The following CCDC175 variants were observed in gnomAD, a reference collection of about 807,000 sequenced individuals.
CCDC175 encodes the protein coiled-coil domain-containing protein 175.
A neutral mutation model predicts 114.6 loss-of-function variants in CCDC175; 100 were observed. The observed-to-expected ratio is 0.87, with a 90% CI of 0.74 to 1.03. The LOEUF is 1.03. Ranked by LOEUF, CCDC175 falls within the 50% of genes least tolerant of loss-of-function variation. The probability of loss-of-function intolerance (pLI) is 0.00; values close to 1 mark genes in which losing one functional copy is unlikely to be tolerated. For synonymous variants in CCDC175, 306 were observed against 308.7 expected (o/e 0.99, Z 0.09); for missense variants, 880 against 917.8 (o/e 0.96, Z 0.53).
rs5809037 is a variant in CCDC175 at position 59,531,353 on chromosome 14, G to GA, written c.1762+418dup. Among the ~76,000 whole-genome samples, 1,444 of 149,894 alleles carry GA rather than the reference G, an allele frequency of 9.6e-3. 27 individuals carry two copies. Among genetic ancestry groups the GA allele is most frequent in the Non-Finnish European group, 0.01 (683 of 67,328 alleles). On this transcript the variant is annotated intron_variant, in intron 14 of 19. Transcript: ENST00000537690. ...ATCTGTGCCTCAGGAGGAAGTTAGTGAAAAAAAAAATCTGAGGAGTGCTTA... is the reference window on the plus strand; with the variant it reads ...ATCTGTGCCTCAGGAGGAAGTTAGTGAAAAAAAAAAATCTGAGGAGTGCTTA...
In CCDC175 at chr14:59,563,838, G is replaced by A. The variant is rs755841941; in HGVS notation, c.742C>T (p.Arg248Cys). ...TAAGTCTCCATTCTCTTTACTTCAC[G>A]GGTATTTTCAAATTCATTAATCTAT... Reference protein sequence around the residue: ...TAQINEFENTREVKRMETYQK... With the variant: ...TAQINEFENTCEVKRMETYQK... Residue 248 changes from arginine (R) to cysteine (C), a missense_variant, in exon 6 of 20, where the codon CGT (arginine) becomes TGT (cysteine). Transcript: ENST00000537690. 81 of 1,430,586 alleles carry A rather than the reference G, an allele frequency of 5.7e-5. No homozygotes were observed. The highest frequency in any genetic ancestry group is 2.1e-4 in the Middle Eastern group (1 of 4,660). 88.6% of individuals were successfully genotyped at this position (1,430,586 alleles called of 1,614,324 possible).
chr14:59,555,051 G>A (rs180911375), intron 7 of CCDC175, among the ~76,000 whole-genome samples: 2 of 152,168 alleles, frequency 1.3e-5, no homozygotes, highest in African/African-American at 4.8e-5. Flanking sequence ...GGAGGAGCTG[G>A]TACCATTACT....
chr14:59,519,453 A>C (rs556320453), intron 17 of CCDC175, among the ~76,000 whole-genome samples: 91 of 152,344 alleles, frequency 6.0e-4, no homozygotes, highest in African/African-American at 2.2e-3. Flanking sequence ...GTACTACCTT[A>C]AAAGACAAAA....
chr14:59,516,467 T>G (rs200210467), intron 17 of CCDC175, among the ~76,000 whole-genome samples: 5,321 of 149,462 alleles, frequency 0.036, 156 homozygotes, highest in Middle Eastern at 0.1. Context: ...ATAGACGCAA[T>G]AAAAAATGAT....
chr14:59,538,200 A>T (rs557535797), intron 12 of CCDC175, 46 bp from the exon 13 acceptor site: 273 of 1,454,240 alleles, frequency 1.9e-4, no homozygotes, highest in Non-Finnish European at 2.4e-4. Flanking sequence ...TGTAGTGATC[A>T]GCCTTACATT....
At chr14:59,537,964 T>G in intron 13 of CCDC175, 59 bp downstream of exon 13, 3 of 1,159,062 alleles carry the variant, frequency 2.6e-6, no homozygotes, top group East Asian at 5.5e-5. Flanking sequence ...TGAAATATTA[T>G]TCCCCCTCCC....
At chr14:59,556,643 G>T (rs1279681674) in intron 7 of CCDC175, among the ~76,000 whole-genome samples, 1 of 152,144 alleles carries the variant, frequency 6.6e-6, no homozygotes, top group African/African-American at 2.4e-5. Context: ...CTTCTGCACA[G>T]CAAAAGAAAC....
chr14:59,512,162 G>A (rs751984863), intron 17 of CCDC175, among the ~76,000 whole-genome samples: 5 of 152,202 alleles, frequency 3.3e-5, no homozygotes, highest in African/African-American at 4.8e-5. Flanking sequence ...AAAAAGATTA[G>A]CAAACTGAAT....
In CCDC175 at chr14:59,527,182, A is replaced by G; in HGVS notation, c.1763-8T>C. 1 of 1,427,820 alleles carries G rather than the reference A, an allele frequency of 7.0e-7. No homozygotes were observed. The highest frequency in any genetic ancestry group is 9.2e-7 in the Non-Finnish European group (1 of 1,082,524). 88.4% of individuals were successfully genotyped at this position (1,427,820 alleles called of 1,614,324 possible). A position where few individuals can be genotyped will look rare whatever the true frequency, so the allele number is the denominator to read the frequency against. ...CTTCCTCCTGTCTTTGTGCTATTAA[A>G]ACAAAGAAAAAAATAACTACCTCAA... is the stretch of plus-strand genomic sequence containing the variant. On this transcript the variant is annotated splice_polypyrimidine_tract_variant and splice_region_variant and intron_variant, in intron 14 of 19. Transcript: ENST00000537690.
rs1340822303 is a variant in CCDC175 at position 59,563,804 on chromosome 14, T to C, written c.776A>G (p.Lys259Arg). The C allele has an allele frequency of 3.5e-6, 5 of 1,439,518 alleles. No homozygotes were observed. Among genetic ancestry groups the C allele is most frequent in the Non-Finnish European group, 3.7e-6 (4 of 1,095,336 alleles). The allele number at this position is 1,439,518 out of a possible 1,614,324, so 89.2% of individuals were successfully genotyped here. The change falls in exon 6 of 20, where the codon AAG becomes AGG. Residue 259 changes from lysine (K) to arginine (R), a missense_variant. By Grantham distance (26) the Lys-to-Arg change is conservative. Coordinates refer to ENST00000537690, the MANE Select transcript of CCDC175 (RefSeq NM_001164399.2). ...AGTTTGTAATTTATCCAATTCTTTCTTCTTTTGATAAGTCTCCATTCTCTT... is the reference window on the plus strand; with the variant it reads ...AGTTTGTAATTTATCCAATTCTTTCCTCTTTTGATAAGTCTCCATTCTCTT... ...EVKRMETYQK[K>R]KELDKLQTKM...
chr14:59,525,279 T>TA lies in CCDC175; in HGVS notation c.1995+2dup. ...ATGAAAAGGATGGTGCTCTTAAACT[T>TA]ACTTCTTTTAATTTTTTATTTTCCA... is the stretch of plus-strand genomic sequence containing the variant. On this transcript the variant is annotated splice_region_variant and intron_variant, in intron 16 of 19. Coordinates refer to ENST00000537690, the MANE Select transcript of CCDC175 (RefSeq NM_001164399.2). The TA allele has an allele frequency of 6.9e-7, 1 of 1,441,502 alleles. No homozygotes were observed. The highest frequency in any genetic ancestry group is 9.0e-7 in the Non-Finnish European group (1 of 1,106,508). The allele number at this position is 1,441,502 out of a possible 1,614,324, so 89.3% of individuals were successfully genotyped here. A position where few individuals can be genotyped will look rare whatever the true frequency, so the allele number is the denominator to read the frequency against.
rs1208560552 is a variant in CCDC175, at chr14:59,576,610, G to T, written c.157+9C>A. 7.0e-7 allele frequency: 1 copy of T among 1,430,314 alleles called. No individual in the cohort carries two copies. The highest frequency in any genetic ancestry group is 9.1e-7 in the Non-Finnish European group (1 of 1,100,670). 88.6% of individuals were successfully genotyped at this position (1,430,314 alleles called of 1,614,324 possible). A position where few individuals can be genotyped will look rare whatever the true frequency, so the allele number is the denominator to read the frequency against. On this transcript the variant is annotated intron_variant, in intron 1 of 19. Transcript: ENST00000537690. ...AGACGTCCCTTCCAGCGCCCGAGGG[G>T]CGTCTTACCCACAACAAACAGCTGC...
Position 59,538,030 on chromosome 14 carries a change from T to C in CCDC175, c.1616A>G (p.Lys539Arg), listed in dbSNP as rs749431199. 1 of 1,525,440 alleles carries C rather than the reference T, an allele frequency of 6.6e-7. No homozygotes were observed. Among genetic ancestry groups the C allele is most frequent in the South Asian group, 1.2e-5 (1 of 83,180 alleles). The allele number at this position is 1,525,440 out of a possible 1,614,324, so 94.5% of individuals were successfully genotyped here. A position where few individuals can be genotyped will look rare whatever the true frequency, so the allele number is the denominator to read the frequency against. The stretch of plus-strand genomic sequence containing the variant: ...ATGCAAAATAAAATTTACCTCATAC[T>C]TGCTTAACTCTTTCATTAACATTTT... ...KEKMLMKELS[K>R]YEEIFVKETQ... is the part of the protein sequence containing the mutation. Residue 539 changes from lysine to arginine, a missense_variant, in exon 13 of 20, where the codon AAG becomes AGG. Coordinates refer to ENST00000537690, the MANE Select transcript of CCDC175 (RefSeq NM_001164399.2).
chr14:59,556,166 CA>C (rs1225133471), intron 7 of CCDC175, among the ~76,000 whole-genome samples: 1 of 152,100 alleles, frequency 6.6e-6, no homozygotes, highest in Non-Finnish European at 1.5e-5. Context: ...AATCCTAAGC[CA>C]AAAGAACAAA....
chr14:59,531,979 T>C, intron 13 of CCDC175, 69 bp from the exon 14 acceptor site: 1 of 791,426 alleles, frequency 1.3e-6, no homozygotes, highest in South Asian at 2.0e-5. Context: ...TAAAGTAGAA[T>C]ATAAGTTTTT....
At chr14:59,554,624 A>G (rs1895750901) in intron 7 of CCDC175, among the ~76,000 whole-genome samples, 1 of 152,226 alleles carries the variant, frequency 6.6e-6, no homozygotes, top group South Asian at 2.1e-4. Flanking sequence ...TCAGAGCAGA[A>G]CTGAAGGAAA....
At position 59,551,414 on chromosome 14, in the gene CCDC175, C is replaced by A. The variant is rs1230393770; in HGVS notation, c.976G>T (p.Glu326Ter). The A allele has an allele frequency of 3.4e-6, 5 of 1,449,882 alleles. No individual in the cohort carries two copies. The highest frequency in any genetic ancestry group is 4.6e-6 in the Non-Finnish European group (5 of 1,085,952). The allele number at this position is 1,449,882 out of a possible 1,614,324, so 89.8% of individuals were successfully genotyped here. A position where few individuals can be genotyped will look rare whatever the true frequency, so the allele number is the denominator to read the frequency against. The change falls in exon 8 of 20, where the codon GAA (glutamate) becomes TAA (stop). Residue 326 changes from glutamate to a stop codon, truncating the protein, a stop_gained. Coordinates refer to ENST00000537690, the MANE Select transcript of CCDC175 (RefSeq NM_001164399.2). LOFTEE classifies it high-confidence loss of function. Reference protein sequence around the residue: ...AKLCFFTDNKEKLDDISNDEK... With the variant: ...AKLCFFTDNK ...TCATTAGATATATCATCTAGTTTTTCTTTGTTATCTGTGAAAAAACACCTA... is the reference window on the plus strand; with the variant it reads ...TCATTAGATATATCATCTAGTTTTTATTTGTTATCTGTGAAAAAACACCTA...
In CCDC175 at chr14:59,505,278, TG is replaced by T. The variant is rs1892269476; in HGVS notation, c.2342del (p.Pro781GlnfsTer11). 6.6e-7 allele frequency: 1 copy of T among 1,511,068 alleles called. No homozygotes were observed. The highest frequency in any genetic ancestry group is 1.4e-5 in the African/African-American group (1 of 72,504). The allele number at this position is 1,511,068 out of a possible 1,614,324, so 93.6% of individuals were successfully genotyped here. On this transcript the variant is annotated frameshift_variant, in exon 20 of 20. Transcript: ENST00000537690. LOFTEE classifies it low-confidence loss of function (END_TRUNC). ...KKHIRTRVHF[P>X]VVKCTEKNTL... ...TATTTTTCTCAGTACATTTAACCAC[TG>T]GGAAATGAACCCTTGTACGAATGTG... is the stretch of plus-strand genomic sequence containing the variant.
chr14:59,532,840 C>A (rs1470943132), intron 13 of CCDC175, among the ~76,000 whole-genome samples: 1 of 152,216 alleles, frequency 6.6e-6, no homozygotes, highest in East Asian at 1.9e-4. Flanking sequence ...ACAAACATCT[C>A]TCTTGCTGTA....
Sources: gnomAD v4.1 joint callset for allele counts (sites outside exome capture counted in the v4.1 genomes callset) on GRCh38, gnomAD v4.1.1 for gene constraint, MANE v1.5 for transcripts, NCBI Gene and HGNC (gene_info 2026-07-23, HGNC 2026-07-21) for gene names.